Variants in HMGXB3 observed in about 807,000 individuals in gnomAD.
HMGXB3 encodes HMG domain-containing protein 3.
A neutral mutation model predicts 121.5 loss-of-function variants in HMGXB3; 45 were observed. The ratio of observed to expected loss-of-function variants is 0.37; its 90% CI spans 0.29 to 0.47. The LOEUF (loss-of-function observed/expected upper bound fraction) is 0.47. HMGXB3 is among the 20% of genes least tolerant of loss of function. The pLI, the probability that HMGXB3 is intolerant of heterozygous loss-of-function variation, is 0.99. For missense variants in HMGXB3, 1,376 were observed against 1,602.2 expected, an observed-to-expected ratio of 0.86 and a Z score of 2.41; for synonymous variants, 590 against 624.1, an observed-to-expected ratio of 0.95 and a Z score of 0.81.
chr5:150,048,735 T>C (rs773659545), intron 18 of HMGXB3, 50 bp downstream of exon 18: 1 of 1,296,972 alleles, frequency 7.7e-7, no homozygotes, highest in African/African-American at 1.5e-5. Context: ...AATGTTGAAC[T>C]TCCCATACAG....
chr5:150,036,566 T>G, intron 11 of HMGXB3, 70 bp from the exon 12 acceptor site: 4 of 1,379,078 alleles, frequency 2.9e-6, no homozygotes, highest in Non-Finnish European at 3.9e-6. Context: ...CTCCCAGACT[T>G]TTATTATTTT....
chr5:150,032,574 G>C lies in HMGXB3; in HGVS notation c.1954G>C (p.Asp652His). Residue 652 changes from aspartate to histidine, a missense_variant, in exon 11 of 20, where the codon GAC becomes CAC. Around this residue, in one of 2 missense-constraint regions of HMGXB3, gnomAD observed 1,116 missense variants for 1,369.0 expected, o/e 0.82. Coordinates refer to ENST00000502717, the MANE Select transcript of HMGXB3 (RefSeq NM_014983.3). The part of the protein sequence containing the change: ...CPSCGVNLAK[D>H]RTEKTTKAIE... ...CAGCTGTGGTGTTAACCTTGCCAAA[G>C]ACCGGACTGAGAAAACCACCAAGGC... 3 of 1,552,306 alleles carry C rather than the reference G, an allele frequency of 1.9e-6. No individual in the cohort carries two copies. Among genetic ancestry groups the C allele is most frequent in the Non-Finnish European group, 2.6e-6 (3 of 1,147,112 alleles).
intron 5 of HMGXB3, chr5:150,014,936 GA>G: frequency 1.0e-6 from 1 of 965,816 alleles, no homozygotes; most frequent in Non-Finnish European, 1.4e-6. Flanking sequence ...GAGATCATAT[GA>G]AATGTTCCCA....
At chr5:150,018,743 A>G in intron 6 of HMGXB3, 46 bp downstream of exon 6, 1 of 1,496,816 alleles carries the variant, frequency 6.7e-7, no homozygotes, top group African/African-American at 1.4e-5. Context: ...CACAGAATAG[A>G]CTTTCTGTTT....
chr5:150,005,121 G>A (rs922503311), intron 2 of HMGXB3, 132 bp downstream of exon 2: 4 of 1,200,834 alleles, frequency 3.3e-6, no homozygotes, highest in African/African-American at 3.1e-5. Context: ...GGGATGAGGA[G>A]TGGGAAGTGG....
intron 7 of HMGXB3, 97 bp downstream of exon 7, chr5:150,024,777 C>A: frequency 9.6e-7 from 1 of 1,036,368 alleles, no homozygotes; most frequent in Non-Finnish European, 1.4e-6. Flanking sequence ...GCAGCAGAGA[C>A]CAGGCAATGG....
chr5:150,046,584 G>A (rs1035762604), intron 16 of HMGXB3, among the ~76,000 whole-genome samples: 13 of 152,044 alleles, frequency 8.6e-5, no homozygotes, highest in Non-Finnish European at 1.6e-4. Flanking sequence ...AGGCCCAGGC[G>A]GGCGGATCAC....
At chr5:150,005,533 A>C (rs1209228603) in intron 2 of HMGXB3, among the ~76,000 whole-genome samples, 1 of 145,786 alleles carries the variant, frequency 6.9e-6, no homozygotes, top group Non-Finnish European at 1.5e-5. Context: ...TGGGAGGCGG[A>C]GGTTGCGGTG....
intron 9 of HMGXB3, among the ~76,000 whole-genome samples, chr5:150,028,541 G>GTGTGTGTGTATATATA (rs1203886454): frequency 4.8e-5 from 2 of 42,088 alleles, no homozygotes; most frequent in Non-Finnish European, 1.0e-4. Flanking sequence ...GTGTGTGTGT[G>GTGTGTGTGTATATATA]TATATATATA....
chr5:150,008,747 G>C (rs1755766331), intron 3 of HMGXB3, among the ~76,000 whole-genome samples: 1 of 152,194 alleles, frequency 6.6e-6, no homozygotes, highest in Non-Finnish European at 1.5e-5. Context: ...GCTTGGATTT[G>C]TTAAGTCCAG....
chr5:150,046,728 C>T (rs903058227), intron 16 of HMGXB3, among the ~76,000 whole-genome samples: 17 of 152,084 alleles, frequency 1.1e-4, no homozygotes, highest in African/African-American at 4.1e-4. Flanking sequence ...AGGAGAATGG[C>T]GTGAACCCGG....
chr5:150,022,970 C>T (rs184454247), intron 6 of HMGXB3, among the ~76,000 whole-genome samples: 130 of 150,230 alleles, frequency 8.7e-4, no homozygotes, highest in African/African-American at 3.1e-3. Flanking sequence ...AGGCTGCATA[C>T]CACCATGCCT....
At chr5:150,037,301 C>T (rs1286448019) in intron 12 of HMGXB3, 99 bp from the exon 13 acceptor site, 66 of 1,202,896 alleles carry the variant, frequency 5.5e-5, no homozygotes, top group Non-Finnish European at 7.2e-5. Flanking sequence ...ATCCTAAGCT[C>T]CAGCAAATGA....
chr5:150,002,280 T>C (rs994683111), intron 1 of HMGXB3, among the ~76,000 whole-genome samples: 1 of 152,194 alleles, frequency 6.6e-6, no homozygotes, highest in Admixed American at 6.5e-5. Context: ...TTCGCAACAT[T>C]GTCAAAAGAA....
chr5:150,021,804 T>G, intron 6 of HMGXB3: 1 of 506,398 alleles, frequency 2.0e-6, no homozygotes, highest in South Asian at 1.4e-5. Flanking sequence ...GCTCCTCTGA[T>G]CAAGTCAGCA....
chr5:150,047,281 C>T (rs1290220154), intron 16 of HMGXB3, among the ~76,000 whole-genome samples: 1 of 152,034 alleles, frequency 6.6e-6, no homozygotes. Context: ...ACTTTTAAAC[C>T]GAGAGCTGCT....
intron 5 of HMGXB3, among the ~76,000 whole-genome samples, chr5:150,013,958 G>GTGAC (rs1755901847): frequency 6.6e-6 from 1 of 152,240 alleles, no homozygotes. Flanking sequence ...CAGCTTTCCA[G>GTGAC]TGACAGGTAA....
chr5:150,001,291 G>T (rs1755557550), intron 1 of HMGXB3, 112 bp downstream of exon 1: 1 of 152,336 alleles, frequency 6.6e-6, no homozygotes, highest in Non-Finnish European at 1.5e-5. Flanking sequence ...CTGAGCCTTA[G>T]TGTCCTCCTT....
Position 150,029,253 on chromosome 5 carries a change from CT to C in HMGXB3, c.1735-1487del, listed in dbSNP as rs375436101. ...TAGTGATACAGATATTAAAAATTTTCTGTGTGTCCAAATTCCATGGATTAGT... is the reference window on the plus strand; with the variant it reads ...TAGTGATACAGATATTAAAAATTTTCGTGTGTCCAAATTCCATGGATTAGT... On this transcript the variant is annotated intron_variant, in intron 9 of 19. Coordinates refer to ENST00000502717, the MANE Select transcript of HMGXB3 (RefSeq NM_014983.3). 2.7e-3 allele frequency among the ~76,000 whole-genome samples: 413 copies of C among 150,730 alleles called. 3 individuals carry two copies. The highest frequency in any genetic ancestry group is 9.2e-3 in the African/African-American group (376 of 41,028).
Sources: gnomAD v4.1 joint callset for allele counts (sites outside exome capture counted in the v4.1 genomes callset) on GRCh38, gnomAD v4.1.1 for gene constraint, gnomAD v4.1.1 regional missense constraint, MANE v1.5 for transcripts, NCBI Gene and HGNC (gene_info 2026-07-23, HGNC 2026-07-21) for gene names.